The following CLDN10 variants were observed in gnomAD, a reference collection of about 807,000 sequenced individuals.
The protein encoded by CLDN10 is claudin 10.
A neutral mutation model predicts 22.9 loss-of-function variants in CLDN10; 15 were observed. That is an observed-to-expected ratio of 0.65 (90% CI 0.44 to 1.01). CLDN10 has a LOEUF of 1.01. Among genes scored for constraint, CLDN10 ranks in the 50% least tolerant of loss-of-function variants. The pLI, the probability that CLDN10 is intolerant of heterozygous loss-of-function variation, is 0.00. For missense variants in CLDN10, 247 were observed against 287.8 expected (o/e 0.86, Z 1.03); for synonymous variants, 114 against 111.4 (o/e 1.02, Z -0.15).
chr13:95,533,353 A>T (rs1383352645), intron 1 of CLDN10, among the ~76,000 whole-genome samples: 2 of 152,154 alleles, frequency 1.3e-5, no homozygotes, highest in Non-Finnish European at 2.9e-5. Flanking sequence ...AAAATTCAAC[A>T]TTGCTATATA....
intron 1 of CLDN10, among the ~76,000 whole-genome samples, chr13:95,487,372 G>A (rs948797635): frequency 6.6e-5 from 10 of 152,190 alleles, no homozygotes; most frequent in Non-Finnish European, 7.3e-5. Flanking sequence ...ACTGGCTAAA[G>A]AGTATGTTAT....
At chr13:95,577,439 C>G in intron 4 of CLDN10, 101 bp downstream of exon 4, 1 of 807,468 alleles carries the variant, frequency 1.2e-6, no homozygotes, top group South Asian at 1.6e-5. Flanking sequence ...TTCTTAGAAA[C>G]TTCCAAAATC....
At chr13:95,531,686 C>T (rs762188706) in intron 1 of CLDN10, among the ~76,000 whole-genome samples, 9 of 151,252 alleles carry the variant, frequency 6.0e-5, no homozygotes, top group Admixed American at 2.6e-4. Context: ...CCCACCACCA[C>T]GCCTGGCTAA....
rs760346005 is a variant in CLDN10 at position 95,560,282 on chromosome 13, T to C, written c.371T>C (p.Phe124Ser). The part of the protein sequence containing the change: ...AKIACLAGIV[F>S]ILSGLCSMTG... ...ATTGCTTGTTTGGCTGGGATTGTAT[T>C]CATACTGTCAGGTAAATAGTAACTT... Residue 124 changes from phenylalanine (F) to serine (S), a missense_variant, in exon 2 of 5, where the codon TTC becomes TCC. By Grantham distance (155) the Phe-to-Ser change is radical (BLOSUM62 -2). Transcript: ENST00000299339. 29 of 1,614,044 alleles carry C rather than the reference T, an allele frequency of 1.8e-5. No individual in the cohort carries two copies. Among genetic ancestry groups the C allele is most frequent in the Non-Finnish European group, 5.1e-6 (6 of 1,179,998 alleles).
At chr13:95,549,235 G>A (rs2043540686), upstream of CLDN10, among the ~76,000 whole-genome samples, 1 of 152,198 alleles carries the variant, frequency 6.6e-6, no homozygotes, top group African/African-American at 2.4e-5. Flanking sequence ...ATAATTTAGA[G>A]GAGGCAACCT....
intron 1 of CLDN10, among the ~76,000 whole-genome samples, chr13:95,516,156 T>A (rs1020536072): frequency 1.2e-4 from 18 of 152,182 alleles, no homozygotes; most frequent in Non-Finnish European, 1.6e-4. Flanking sequence ...ATAATTGCTA[T>A]GAATACAAAT....
At chr13:95,455,792 A>C (rs1354125208) in intron 1 of CLDN10, among the ~76,000 whole-genome samples, 1 of 152,224 alleles carries the variant, frequency 6.6e-6, no homozygotes, top group Admixed American at 6.5e-5. Flanking sequence ...GGAAACAGAA[A>C]ATCTTTAGCA....
chr13:95,473,161 GAGA>G (rs1233147504), intron 1 of CLDN10, among the ~76,000 whole-genome samples: 11 of 88,104 alleles, frequency 1.2e-4, no homozygotes, highest in African/African-American at 4.3e-4. Flanking sequence ...AAAAAAAAAG[GAGA>G]GAGAGAGAGA....
intron 1 of CLDN10, among the ~76,000 whole-genome samples, chr13:95,514,500 C>T (rs981478483): frequency 4.4e-4 from 63 of 144,418 alleles, no homozygotes; most frequent in African/African-American, 1.3e-3. Context: ...GTGGGTGATA[C>T]CCTTTCTATG....
At chr13:95,441,405 G>A (rs966298108) in intron 1 of CLDN10, among the ~76,000 whole-genome samples, 2 of 152,012 alleles carry the variant, frequency 1.3e-5, no homozygotes, top group Non-Finnish European at 2.9e-5. Context: ...CCAACCATCC[G>A]GCTAATTTTC....
At position 95,459,256 on chromosome 13, in the gene CLDN10, G is replaced by T. The variant is rs138932832; in HGVS notation, c.214+25209G>T. The stretch of plus-strand genomic sequence containing the variant: ...CCGTCAGTAGATCTACCATTATGGG[G>T]TCTGGAGGACAGTGGCCCTCTTCTC... On this transcript the variant is annotated intron_variant, in intron 1 of 4. Transcript: ENST00000376873. Among the ~76,000 whole-genome samples, 543 of 152,288 alleles carry T rather than the reference G, an allele frequency of 3.6e-3. 8 individuals carry two copies. The highest frequency in any genetic ancestry group is 0.012 in the African/African-American group (511 of 41,562).
At chr13:95,447,003 C>A (rs978747933) in intron 1 of CLDN10, among the ~76,000 whole-genome samples, 1 of 151,924 alleles carries the variant, frequency 6.6e-6, no homozygotes, top group Non-Finnish European at 1.5e-5. Flanking sequence ...CGAGTGATGG[C>A]GGGGGCAGGG....
At chr13:95,576,587 G>A (rs1314684791) in intron 3 of CLDN10, among the ~76,000 whole-genome samples, 1 of 152,140 alleles carries the variant, frequency 6.6e-6, no homozygotes, top group Non-Finnish European at 1.5e-5. Flanking sequence ...TTTGTCCTCA[G>A]TAGCACTGTT....
chr13:95,532,792 C>CAAAAAAAAAAAAAA lies in CLDN10; in HGVS notation c.215-27331_215-27318dup, dbSNP rs57500288. 8.7e-4 allele frequency among the ~76,000 whole-genome samples: 54 copies of CAAAAAAAAAAAAAA among 61,992 alleles called. 1 individual carries two copies. The highest frequency in any genetic ancestry group is 1.1e-3 in the African/African-American group (16 of 15,066). 40.7% of individuals were successfully genotyped at this position (61,992 alleles called of 152,430 possible). ...CTTCAGATACTGGAACTCAATTCAGCAAAAAAAAAAAAAAAAAAAAAAGAA... is the reference window on the plus strand; with the variant it reads ...CTTCAGATACTGGAACTCAATTCAGCAAAAAAAAAAAAAAAAAAAAAAAAAAAAAAAAAAAAGAA... On this transcript the variant is annotated intron_variant, in intron 1 of 4. Transcript: ENST00000376873.
chr13:95,506,406 C>T (rs1427102570), intron 1 of CLDN10, among the ~76,000 whole-genome samples: 1 of 152,178 alleles, frequency 6.6e-6, no homozygotes, highest in Non-Finnish European at 1.5e-5. Flanking sequence ...TAATTCCGCC[C>T]TTGAAGACGC....
intron 1 of CLDN10, among the ~76,000 whole-genome samples, chr13:95,542,924 T>A (rs1424766703): frequency 5.3e-5 from 8 of 152,098 alleles, no homozygotes; most frequent in Non-Finnish European, 1.2e-4. Flanking sequence ...CACCAGTATA[T>A]ATGGAGATGT....
chr13:95,458,344 G>C (rs1005396639), intron 1 of CLDN10, among the ~76,000 whole-genome samples: 2 of 152,156 alleles, frequency 1.3e-5, no homozygotes, highest in African/African-American at 4.8e-5. Flanking sequence ...GAGTGCAGTG[G>C]TGATCATGGC....
chr13:95,564,059 C>T (rs767604772), intron 3 of CLDN10, among the ~76,000 whole-genome samples: 1 of 152,134 alleles, frequency 6.6e-6, no homozygotes, highest in African/African-American at 2.4e-5. Context: ...GAGAGGAATA[C>T]GTTGTAGAAT....
intron 1 of CLDN10, among the ~76,000 whole-genome samples, chr13:95,480,230 G>A (rs779882110): frequency 1.4e-4 from 21 of 152,148 alleles, no homozygotes; most frequent in Non-Finnish European, 2.6e-4. Flanking sequence ...TCCCTCCCAC[G>A]ACACATGGGA....
Sources: gnomAD v4.1 joint callset for allele counts (sites outside exome capture counted in the v4.1 genomes callset) on GRCh38, gnomAD v4.1.1 for gene constraint, MANE v1.5 for transcripts, NCBI Gene and HGNC (gene_info 2026-07-23, HGNC 2026-07-21) for gene names.